The following SLC4A5 variants were observed in gnomAD, a reference collection of about 807,000 sequenced individuals.
SLC4A5 encodes electrogenic sodium bicarbonate cotransporter 4.
Under a neutral mutation model 120.4 loss-of-function variants are expected in SLC4A5, and 96 were observed. The ratio of observed to expected loss-of-function variants is 0.80; its 90% confidence interval spans 0.68 to 0.94. The LOEUF (loss-of-function observed/expected upper bound fraction) is 0.94, where lower values mean the gene tolerates loss of function less well. Among genes scored for constraint, SLC4A5 ranks in the 40% least tolerant of loss-of-function variants. SLC4A5 has a pLI of 0.00. For synonymous variants in SLC4A5, 550 were observed against 571.1 expected, an observed-to-expected ratio of 0.96 and a Z score of 0.53; for missense variants, 1,259 against 1,459.5, an observed-to-expected ratio of 0.86 and a Z score of 2.24.
chr2:74,301,009 G>T (rs1263199530), intron 7 of SLC4A5, among the ~76,000 whole-genome samples: 2 of 152,050 alleles, frequency 1.3e-5, no homozygotes, highest in Non-Finnish European at 1.5e-5. Context: ...TTTTAACCAG[G>T]TACACTGGAA....
chr2:74,329,384 GT>G, intron 4 of SLC4A5, among the ~76,000 whole-genome samples: 1 of 152,288 alleles, frequency 6.6e-6, no homozygotes, highest in East Asian at 1.9e-4. Context: ...GAGTTCAGGA[GT>G]TCGAGACCAG....
At chr2:74,285,228 G>C (rs775942996) in intron 8 of SLC4A5, among the ~76,000 whole-genome samples, 2 of 152,100 alleles carry the variant, frequency 1.3e-5, no homozygotes, top group African/African-American at 2.4e-5. Flanking sequence ...AAGCCTGGGC[G>C]ACATAATGAG....
chr2:74,232,547 G>T (rs1171699982), exon 24 of SLC4A5: 1 of 1,613,914 alleles, frequency 6.2e-7, no homozygotes, highest in Non-Finnish European at 8.5e-7. Flanking sequence ...GTGGGCGATG[G>T]AGATGACCGT....
chr2:74,296,075 T>C (rs539673249), intron 7 of SLC4A5, among the ~76,000 whole-genome samples: 5 of 152,324 alleles, frequency 3.3e-5, no homozygotes, highest in African/African-American at 9.6e-5. Context: ...CATTTCCCCT[T>C]AAGGTCTTAA....
At chr2:74,295,626 T>C (rs1381270166) in intron 7 of SLC4A5, among the ~76,000 whole-genome samples, 1 of 151,908 alleles carries the variant, frequency 6.6e-6, no homozygotes, top group Non-Finnish European at 1.5e-5. Context: ...AGAGGGAGAC[T>C]CCTTCTCAAA....
chr2:74,269,001 G>C (rs1177862823), intron 8 of SLC4A5, among the ~76,000 whole-genome samples: 1 of 152,222 alleles, frequency 6.6e-6, no homozygotes, highest in African/African-American at 2.4e-5. Flanking sequence ...AATTAGAGAA[G>C]GACTGGGAGG....
chr2:74,307,493 C>T, intron 6 of SLC4A5: 4 of 621,236 alleles, frequency 6.4e-6, no homozygotes, highest in South Asian at 4.3e-5. Context: ...CAGACTAGCG[C>T]ATGGCCAGCT....
intron 7 of SLC4A5, among the ~76,000 whole-genome samples, chr2:74,296,347 C>T (rs1328052293): frequency 2.0e-5 from 3 of 152,086 alleles, no homozygotes; most frequent in Non-Finnish European, 4.4e-5. Context: ...ATCCTTTCTC[C>T]TTTTTCTTCC....
At chr2:74,310,841 C>T (rs928654212) in intron 6 of SLC4A5, among the ~76,000 whole-genome samples, 1 of 151,628 alleles carries the variant, frequency 6.6e-6, no homozygotes, top group Non-Finnish European at 1.5e-5. Context: ...ATTCCTTCTG[C>T]TTCTATTTTC....
At chr2:74,259,942 G>A (rs571770590) in intron 11 of SLC4A5, among the ~76,000 whole-genome samples, 1 of 152,242 alleles carries the variant, frequency 6.6e-6, no homozygotes, top group East Asian at 1.9e-4. Flanking sequence ...GTCTACTCTG[G>A]GTGTGGCTCT....
At chr2:74,301,065 C>T (rs750208514) in intron 7 of SLC4A5, among the ~76,000 whole-genome samples, 14 of 152,110 alleles carry the variant, frequency 9.2e-5, no homozygotes, top group Non-Finnish European at 1.6e-4. Context: ...ACATCTAACA[C>T]GTCAGGCAGC....
chr2:74,227,032 G>C (rs762510448), exon 27 of SLC4A5: 3 of 1,614,222 alleles, frequency 1.9e-6, no homozygotes, highest in Admixed American at 3.3e-5. Flanking sequence ...TCTGCACCAG[G>C]GTGAAGAGGT....
chr2:74,335,265 G>A (rs1325644401), intron 3 of SLC4A5, among the ~76,000 whole-genome samples: 1 of 152,192 alleles, frequency 6.6e-6, no homozygotes, highest in Non-Finnish European at 1.5e-5. Context: ...GCAAGCTAGA[G>A]CCCACGGAGG....
At chr2:74,307,968 C>G in intron 6 of SLC4A5, 1 of 558,734 alleles carries the variant, frequency 1.8e-6, no homozygotes, top group South Asian at 1.4e-5. Context: ...GCCCAGGGAC[C>G]AGTAGTTGGA....
chr2:74,218,934 T>G (rs1230341966), intron 30 of SLC4A5, 142 bp from the exon 31 acceptor site: 1 of 152,362 alleles, frequency 6.6e-6, no homozygotes, highest in Non-Finnish European at 1.5e-5. Flanking sequence ...CCTATTGGCT[T>G]GGCCTTCAGC....
At chr2:74,272,023 G>A (rs910527269) in intron 8 of SLC4A5, among the ~76,000 whole-genome samples, 1 of 152,104 alleles carries the variant, frequency 6.6e-6, no homozygotes, top group African/African-American at 2.4e-5. Context: ...AGGCTGCAGT[G>A]AGCTGTGATC....
chr2:74,294,341 C>T (rs1008881249), intron 7 of SLC4A5, among the ~76,000 whole-genome samples: 4 of 152,096 alleles, frequency 2.6e-5, no homozygotes, highest in African/African-American at 4.8e-5. Flanking sequence ...ATCTCATTGG[C>T]GCACAAGGGA....
chr2:74,341,754 T>G (rs1265239176), intron 2 of SLC4A5, among the ~76,000 whole-genome samples: 2 of 152,360 alleles, frequency 1.3e-5, no homozygotes, highest in East Asian at 3.9e-4. Flanking sequence ...TGTTGCGGAT[T>G]GCCCAGACTT....
Position 74,247,071 on chromosome 2 carries a change from GT to G in SLC4A5, c.2023del (p.Thr675LeufsTer13). 1 of 1,614,194 alleles carries G rather than the reference GT, an allele frequency of 6.2e-7. No homozygotes were observed. Among genetic ancestry groups the G allele is most frequent in the Non-Finnish European group, 8.5e-7 (1 of 1,180,032 alleles). On this transcript the variant is annotated frameshift_variant, in exon 19 of 31. Transcript: ENST00000394019. LOFTEE classifies it high-confidence loss of function. The stretch of plus-strand genomic sequence containing the variant: ...GGCGACACACTCGCACTTGTAGGTA[GT>G]GATGAAGTTTGGCTTGAAGTCCATA...
Sources: gnomAD v4.1 joint callset for allele counts (sites outside exome capture counted in the v4.1 genomes callset) on GRCh38, gnomAD v4.1.1 for gene constraint, MANE v1.5 for transcripts, NCBI Gene and HGNC (gene_info 2026-07-23, HGNC 2026-07-21) for gene names.